Variants in LRP1 observed in about 807,000 individuals in gnomAD.
LRP1 encodes LDL receptor related protein 1, also known as prolow-density lipoprotein receptor-related protein 1.
LRP1 carries 51 observed loss-of-function variants against 541.5 expected under a neutral mutation model. That is an observed-to-expected ratio of 0.09 (90% CI 0.08 to 0.12). The LOEUF (loss-of-function observed/expected upper bound fraction) is 0.12, where lower values mean the gene tolerates loss of function less well. Among genes scored for constraint, LRP1 ranks in the 10% least tolerant of loss-of-function variants. The probability of loss-of-function intolerance (pLI) is 1.00; values close to 1 mark genes in which losing one functional copy is unlikely to be tolerated. For missense variants in LRP1, 3,878 were observed against 6,376.2 expected, an observed-to-expected ratio of 0.61 and a Z score of 13.34; for synonymous variants, 2,219 against 2,470.8, an observed-to-expected ratio of 0.90 and a Z score of 3.02.
chr12:57,129,118 G>A, intron 1 of LRP1, 87 bp downstream of exon 1: 1 of 1,356,892 alleles, frequency 7.4e-7, no homozygotes, highest in Non-Finnish European at 1.0e-6. Context: ...GAAGGGAGAC[G>A]CGGGAGGGGG....
chr12:57,152,117 C>G (rs1592612732), intron 6 of LRP1, among the ~76,000 whole-genome samples: 3 of 152,196 alleles, frequency 2.0e-5, no homozygotes. Context: ...GAATCCAGGC[C>G]ACATCCTGAG....
At position 57,161,130 on chromosome 12, in the gene LRP1, G is replaced by C; in HGVS notation, c.2202+15G>C. On this transcript the variant is annotated intron_variant, in intron 13 of 88. Coordinates refer to ENST00000243077, the MANE Select transcript of LRP1 (RefSeq NM_002332.3). ...CAGACCGGAAGGTGGGCAGGCATGT[G>C]CCTGTGTGGGGGAATCTGTGTGTGT... 1 of 1,609,330 alleles carries C rather than the reference G, an allele frequency of 6.2e-7. No individual in the cohort carries two copies. Among genetic ancestry groups the C allele is most frequent in the East Asian group, 2.2e-5 (1 of 44,850 alleles).
In LRP1 at chr12:57,162,613, C is replaced by G. The variant is rs1432176861; in HGVS notation, c.2404+95C>G. On this transcript the variant is annotated intron_variant, in intron 14 of 88. Transcript: ENST00000243077. The surrounding 1 kb of genome is among the most constrained non-coding windows in gnomAD (Gnocchi z 5.2). ...CTTCCCTGGGAGTGAAGGCACTTCC[C>G]AGGGATCCTAGGCTCTGACTTTTGA... is the stretch of plus-strand genomic sequence containing the variant. 7.1e-7 allele frequency: 1 copy of G among 1,406,978 alleles called. No homozygotes were observed. Among genetic ancestry groups the G allele is most frequent in the African/African-American group, 1.4e-5 (1 of 70,446 alleles). 87.2% of individuals were successfully genotyped at this position (1,406,978 alleles called of 1,614,324 possible).
At position 57,197,686 on chromosome 12, in the gene LRP1, G is replaced by A. The variant is rs772752487; in HGVS notation, c.9282+22G>A. The A allele has an allele frequency of 1.1e-5, 17 of 1,609,072 alleles. No homozygotes were observed. Among genetic ancestry groups the A allele is most frequent in the South Asian group, 5.5e-5 (5 of 90,826 alleles). ...GCAGGTGAGGCGGGCGGCCCTCGGC[G>A]ACCAACACTGGCCCGCCTCAGATGA... On this transcript the variant is annotated intron_variant, in intron 58 of 88. Coordinates refer to ENST00000243077, the MANE Select transcript of LRP1 (RefSeq NM_002332.3). The surrounding 1 kb of genome is among the most constrained non-coding windows in gnomAD (Gnocchi z 4.5).
chr12:57,143,689 C>T lies in LRP1; in HGVS notation c.339C>T (p.Gly113=). 1 of 1,613,566 alleles carries T rather than the reference C, an allele frequency of 6.2e-7. No homozygotes were observed. The highest frequency in any genetic ancestry group is 8.5e-7 in the Non-Finnish European group (1 of 1,179,568). Residue 113 remains glycine (G), a synonymous_variant, in exon 4 of 89, where the codon GGC becomes GGT. Coordinates refer to ENST00000243077, the MANE Select transcript of LRP1 (RefSeq NM_002332.3). Reference sequence around the variant, plus strand: ...CCTGCCCCCACACAGAGCTCCAAGGCAACTGCTCTCGCCTGGGCTGCCAGC... The same window carrying T: ...CCTGCCCCCACACAGAGCTCCAAGGTAACTGCTCTCGCCTGGGCTGCCAGC... ...DEGPHCRELQ[G]NCSRLGCQHH... is the part of the protein sequence containing the mutation.
At chr12:57,137,588 G>A (rs936621587) in intron 1 of LRP1, among the ~76,000 whole-genome samples, 1 of 152,088 alleles carries the variant, frequency 6.6e-6, no homozygotes, top group African/African-American at 2.4e-5. Context: ...CTGAGGTCAG[G>A]AGTTTGAGAC....
intron 44 of LRP1, 107 bp downstream of exon 44, chr12:57,191,619 AC>A: frequency 1.1e-6 from 1 of 933,432 alleles, no homozygotes. Context: ...CCCTACACAT[AC>A]CACACACACA....
At chr12:57,136,209 T>G (rs2035160143) in intron 1 of LRP1, among the ~76,000 whole-genome samples, 2 of 151,350 alleles carry the variant, frequency 1.3e-5, no homozygotes, top group African/African-American at 2.4e-5. Flanking sequence ...GGGCCTTTAT[T>G]CCAGGCTCAG....
intron 20 of LRP1, among the ~76,000 whole-genome samples, chr12:57,169,622 G>A (rs1592627650): frequency 6.6e-6 from 1 of 152,204 alleles, no homozygotes; most frequent in African/African-American, 2.4e-5. Flanking sequence ...TGTGAGTTTC[G>A]TCTGCAAAGT....
At chr12:57,166,017 T>C (rs2136687258) in intron 16 of LRP1, 67 bp from the exon 17 acceptor site, 1 of 1,613,544 alleles carries the variant, frequency 6.2e-7, no homozygotes, top group East Asian at 2.2e-5. Flanking sequence ...GCAGTGCCTA[T>C]ACTGGAGCGG....
rs747528704 is a variant in LRP1 at position 57,191,341 on chromosome 12, G to T, written c.7258G>T (p.Val2420Phe). 4 of 1,608,228 alleles carry T rather than the reference G, an allele frequency of 2.5e-6. No individual in the cohort carries two copies. The highest frequency in any genetic ancestry group is 2.2e-5 in the South Asian group (2 of 90,810). The stretch of plus-strand genomic sequence containing the variant: ...ACAGGTGATCCTAAAGTCAGAGCCT[G>T]TCCACCCCTTCGGGCTGGCCGTGTA... ...HRYVILKSEP[V>F]HPFGLAVYGE... Residue 2420 changes from valine to phenylalanine, a missense_variant, in exon 44 of 89, where the codon GTC becomes TTC. Coordinates refer to ENST00000243077, the MANE Select transcript of LRP1 (RefSeq NM_002332.3).
chr12:57,191,349 C>A lies in LRP1; in HGVS notation c.7266C>A (p.Pro2422=), dbSNP rs1185357128. The A allele has an allele frequency of 1.2e-6, 2 of 1,610,942 alleles. No individual in the cohort carries two copies. Among genetic ancestry groups the A allele is most frequent in the Admixed American group, 3.3e-5 (2 of 59,888 alleles). Reference sequence around the variant, plus strand: ...TCCTAAAGTCAGAGCCTGTCCACCCCTTCGGGCTGGCCGTGTATGGGGAGC... The same window carrying A: ...TCCTAAAGTCAGAGCCTGTCCACCCATTCGGGCTGGCCGTGTATGGGGAGC... The part of the protein sequence containing the change: ...YVILKSEPVH[P]FGLAVYGEHI... The change falls in exon 44 of 89, where the codon CCC becomes CCA. Residue 2422 remains proline (P), a synonymous_variant. Transcript: ENST00000243077.
intron 4 of LRP1, 91 bp downstream of exon 4, chr12:57,143,889 C>A: frequency 6.9e-7 from 1 of 1,446,360 alleles, no homozygotes; most frequent in Non-Finnish European, 9.2e-7. Flanking sequence ...GGGGGCCTGG[C>A]TGGAATAAGA....
chr12:57,128,910 G>C lies in LRP1; in HGVS notation c.-55G>C. 6.8e-7 allele frequency: 1 copy of C among 1,470,638 alleles called. No homozygotes were observed. Among genetic ancestry groups the C allele is most frequent in the Non-Finnish European group, 9.2e-7 (1 of 1,082,302 alleles). 91.1% of individuals were successfully genotyped at this position (1,470,638 alleles called of 1,614,324 possible). On this transcript the variant is annotated 5_prime_UTR_variant, in exon 1 of 89. Transcript: ENST00000243077. ...GACCCCCCAACTGGGGGGGGTGAAGGAGAGAAGTAGCAGGACCAGAGGGGA... is the reference window on the plus strand; with the variant it reads ...GACCCCCCAACTGGGGGGGGTGAAGCAGAGAAGTAGCAGGACCAGAGGGGA...
intron 2 of LRP1, among the ~76,000 whole-genome samples, chr12:57,139,942 G>T (rs1229121465): frequency 6.6e-6 from 1 of 152,212 alleles, no homozygotes; most frequent in African/African-American, 2.4e-5. Context: ...ACCATCAGTT[G>T]TGTAAGCAGA....
Position 57,202,852 on chromosome 12 carries a change from T to C in LRP1, c.10711+315T>C, listed in dbSNP as rs1019220221. ...CCCTGTGCTGTGCCTCTACCCATCA[T>C]CCTTGATTGACCTCTCCCCAAACCC... On this transcript the variant is annotated intron_variant, in intron 68 of 88. Transcript: ENST00000243077. 3 of 565,738 alleles carry C rather than the reference T, an allele frequency of 5.3e-6. No homozygotes were observed. In the Admixed American group the frequency reaches 9.2e-5, roughly 17 times the overall value. The allele number at this position is 565,738 out of a possible 1,614,324, so 35.0% of individuals were successfully genotyped here. A position where few individuals can be genotyped will look rare whatever the true frequency, so the allele number is the denominator to read the frequency against.
rs532961094 is a variant in LRP1 at position 57,194,657 on chromosome 12, A to C, written c.8149A>C (p.Lys2717Gln). Residue 2717 changes from lysine (K) to glutamine (Q), a missense_variant, in exon 50 of 89, where the codon AAA becomes CAA. Lys to Gln is a moderately conservative substitution (Grantham distance 53). Around this residue, in one of 13 missense-constraint regions of LRP1, gnomAD observed 1,100 missense variants for 1,827.4 expected, o/e 0.60. Coordinates refer to ENST00000243077, the MANE Select transcript of LRP1 (RefSeq NM_002332.3). ...RCIPMSWTCD[K>Q]EDDCEHGEDE... ...CATCCCCATGAGCTGGACGTGTGACAAAGAGGATGACTGTGAACATGGCGA... is the reference window on the plus strand; with the variant it reads ...CATCCCCATGAGCTGGACGTGTGACCAAGAGGATGACTGTGAACATGGCGA... The C allele has an allele frequency of 6.3e-7, 1 of 1,599,530 alleles. No individual in the cohort carries two copies. The highest frequency in any genetic ancestry group is 1.3e-5 in the African/African-American group (1 of 74,636).
At chr12:57,142,836 C>T (rs1465610687) in intron 3 of LRP1, among the ~76,000 whole-genome samples, 1 of 152,160 alleles carries the variant, frequency 6.6e-6, no homozygotes, top group Non-Finnish European at 1.5e-5. Flanking sequence ...GAAAGAATCG[C>T]TGGGGCCTGG....
chr12:57,198,386 T>A (rs2036578704), intron 59 of LRP1, 43 bp downstream of exon 59: 2 of 1,605,622 alleles, frequency 1.2e-6, no homozygotes, highest in African/African-American at 2.7e-5. Flanking sequence ...GAAAGCAGCA[T>A]CCAAGCCCAG....
Sources: gnomAD v4.1 joint callset for allele counts (sites outside exome capture counted in the v4.1 genomes callset) on GRCh38, gnomAD v4.1.1 for gene constraint, gnomAD v4.1.1 regional missense constraint, Gnocchi (gnomAD v3.1) non-coding constraint, MANE v1.5 for transcripts, NCBI Gene and HGNC (gene_info 2026-07-23, HGNC 2026-07-21) for gene names.